The following HDDC2 variants were observed in gnomAD, a reference collection of about 807,000 sequenced individuals.
HDDC2 encodes the protein 5'-deoxynucleotidase HDDC2.
A neutral mutation model predicts 25.5 loss-of-function variants in HDDC2; 25 were observed. That is an observed-to-expected ratio of 0.98 (90% CI 0.72 to 1.37). The LOEUF is 1.37. HDDC2 is among the 40% of genes most tolerant of loss of function. The pLI is 0.00. For synonymous variants in HDDC2, 106 were observed against 89.7 expected, an observed-to-expected ratio of 1.18 and a Z score of -1.03; for missense variants, 264 against 253.1, an observed-to-expected ratio of 1.04 and a Z score of -0.29.
At chr6:125,278,184 G>A (rs1304068798) in intron 4 of HDDC2, 2 of 152,154 alleles carry the variant, frequency 1.3e-5, no homozygotes, top group African/African-American at 4.8e-5. Context: ...TCTTATAAAG[G>A]CAGCTACTTG....
chr6:125,298,918 C>T, intron 2 of HDDC2, 102 bp from the exon 3 acceptor site: 1 of 701,900 alleles, frequency 1.4e-6, no homozygotes, highest in Non-Finnish European at 2.3e-6. Flanking sequence ...ATTTTTTCTC[C>T]ACCCTCACAG....
At chr6:125,299,940 A>G (rs1798770403) in intron 2 of HDDC2, among the ~76,000 whole-genome samples, 1 of 152,318 alleles carries the variant, frequency 6.6e-6, no homozygotes, top group Middle Eastern at 3.4e-3. Context: ...ATTAAGATCA[A>G]CCAAGAACAG....
intron 4 of HDDC2, among the ~76,000 whole-genome samples, chr6:125,291,985 C>CT (rs1451086063): frequency 6.6e-6 from 1 of 151,934 alleles, no homozygotes; most frequent in Admixed American, 6.5e-5. Flanking sequence ...AGACATGAAA[C>CT]TCTGCCAGCT....
chr6:125,278,842 A>G (rs1377170224), intron 4 of HDDC2: 1 of 152,214 alleles, frequency 6.6e-6, no homozygotes, highest in African/African-American at 2.4e-5. Context: ...ATTAAGGATA[A>G]AGAAGTGAAC....
chr6:125,286,896 C>T (rs76139410), intron 4 of HDDC2, among the ~76,000 whole-genome samples: 4,687 of 152,296 alleles, frequency 0.031, 214 homozygotes, highest in African/African-American at 0.11. Context: ...TATTACCATT[C>T]TGAAGCCCCA....
At chr6:125,276,461 T>C (rs912575206) in intron 5 of HDDC2, 16 of 546,776 alleles carry the variant, frequency 2.9e-5, no homozygotes, top group Admixed American at 2.4e-4. Flanking sequence ...AGAATAAGGA[T>C]GAGACTCAGG....
chr6:125,283,100 C>T lies in HDDC2; in HGVS notation c.379-5860G>A, dbSNP rs530956232. Among the ~76,000 whole-genome samples the T allele has an allele frequency of 2.8e-4, 43 of 152,158 alleles. 1 individual carries two copies. In the South Asian group the frequency reaches 7.1e-3, roughly 25 times the overall value. On this transcript the variant is annotated intron_variant, in intron 4 of 5. Transcript: ENST00000398153. ...TCTCAAAAGATACAGAAAAGGCCTT[C>T]GATAAAATTCAACACCTCTTCATGC... is the stretch of plus-strand genomic sequence containing the variant.
At chr6:125,297,643 T>G in intron 3 of HDDC2, 2 of 399,100 alleles carry the variant, frequency 5.0e-6, no homozygotes, top group Non-Finnish European at 4.4e-6. Context: ...GCTCTGAGAA[T>G]AGACATTTAA....
rs1008805619 is a variant in HDDC2 at position 125,277,400 on chromosome 6, G to A, written c.379-160C>T. Reference sequence around the variant, plus strand: ...TTAGAAATCCATCAGAGACACTTCTGTAATTTCACAGCCTAACACCAGGAC... The same window carrying A: ...TTAGAAATCCATCAGAGACACTTCTATAATTTCACAGCCTAACACCAGGAC... On this transcript the variant is annotated intron_variant, in intron 4 of 5. Coordinates refer to ENST00000398153, the MANE Select transcript of HDDC2 (RefSeq NM_016063.3). 7 of 631,568 alleles carry A rather than the reference G, an allele frequency of 1.1e-5. No individual in the cohort carries two copies. In the African/African-American group the frequency reaches 1.3e-4, roughly 12 times the overall value. 39.1% of individuals were successfully genotyped at this position (631,568 alleles called of 1,614,324 possible). A position where few individuals can be genotyped will look rare whatever the true frequency, so the allele number is the denominator to read the frequency against.
intron 4 of HDDC2, chr6:125,277,758 TA>T (rs1407435564): frequency 6.5e-6 from 1 of 152,894 alleles, no homozygotes; most frequent in African/African-American, 2.4e-5. Context: ...AGGGTAGATT[TA>T]ATTAAGTCCC....
chr6:125,280,971 G>T (rs1229398906), intron 4 of HDDC2, among the ~76,000 whole-genome samples: 3 of 152,216 alleles, frequency 2.0e-5, no homozygotes, highest in African/African-American at 7.2e-5. Flanking sequence ...CTAGCATCTA[G>T]GGGGTGCCCC....
intron 2 of HDDC2, 24 bp downstream of exon 2, chr6:125,300,514 G>A: frequency 1.2e-6 from 2 of 1,609,614 alleles, no homozygotes; most frequent in Non-Finnish European, 1.7e-6. Context: ...TCTCTCACGA[G>A]CATCAAAGTC....
intron 3 of HDDC2, among the ~76,000 whole-genome samples, chr6:125,294,680 C>A (rs1208966740): frequency 6.6e-6 from 1 of 152,150 alleles, no homozygotes; most frequent in Admixed American, 6.5e-5. Flanking sequence ...AAGTCCTGCT[C>A]TGACAGGAGA....
chr6:125,280,282 G>C (rs1268892493), intron 4 of HDDC2, among the ~76,000 whole-genome samples: 1 of 152,136 alleles, frequency 6.6e-6, no homozygotes, highest in South Asian at 2.1e-4. Flanking sequence ...ACACCACAAG[G>C]GCCCTAGGTT....
chr6:125,293,101 T>C (rs1006591430), intron 3 of HDDC2, 192 bp from the exon 4 acceptor site: 11 of 671,466 alleles, frequency 1.6e-5, no homozygotes, highest in Non-Finnish European at 2.7e-5. Flanking sequence ...TAAATAAGTG[T>C]AATCATTCAT....
At chr6:125,300,381 C>T (rs1798776825) in intron 2 of HDDC2, 157 bp downstream of exon 2, 1 of 856,658 alleles carries the variant, frequency 1.2e-6, no homozygotes, top group East Asian at 2.8e-5. Flanking sequence ...ACTGAGGCAA[C>T]ATAACCCACA....
chr6:125,301,420 G>A (rs950497133), intron 1 of HDDC2, among the ~76,000 whole-genome samples: 3 of 146,130 alleles, frequency 2.1e-5, no homozygotes, highest in Admixed American at 6.8e-5. Context: ...CTTCCCACCC[G>A]TGCTCAGAAG....
chr6:125,288,553 G>A (rs1022868446), intron 4 of HDDC2, among the ~76,000 whole-genome samples: 3 of 152,146 alleles, frequency 2.0e-5, no homozygotes, highest in African/African-American at 7.2e-5. Context: ...AGGAAAACAG[G>A]AAGATTAAAC....
At chr6:125,284,625 C>T (rs543642185) in intron 4 of HDDC2, among the ~76,000 whole-genome samples, 7 of 152,296 alleles carry the variant, frequency 4.6e-5, no homozygotes, top group African/African-American at 7.2e-5. Flanking sequence ...TACCATCTCA[C>T]GCCAGTTAGA....
Sources: gnomAD v4.1 joint callset for allele counts (sites outside exome capture counted in the v4.1 genomes callset) on GRCh38, gnomAD v4.1.1 for gene constraint, MANE v1.5 for transcripts, NCBI Gene and HGNC (gene_info 2026-07-23, HGNC 2026-07-21) for gene names.